ASB3: variants seen among roughly 807,000 people sequenced by gnomAD.
ASB3 encodes ankyrin repeat and SOCS box containing 3, also known as ankyrin repeat and SOCS box protein 3.
Under a neutral mutation model 54.5 loss-of-function variants are expected in ASB3, and 41 were observed. The observed-to-expected ratio is 0.75, with a 90% CI of 0.59 to 0.98. The LOEUF is 0.98. ASB3 is among the 50% of genes least tolerant of loss of function. The probability of loss-of-function intolerance (pLI) is 0.00; values close to 1 mark genes in which losing one functional copy is unlikely to be tolerated. For missense variants in ASB3, 733 were observed against 620.0 expected, an observed-to-expected ratio of 1.18 and a Z score of -1.94; for synonymous variants, 266 against 221.2, an observed-to-expected ratio of 1.20 and a Z score of -1.80.
At chr2:53,751,384 G>A (rs1456534836) in intron 2 of ASB3, among the ~76,000 whole-genome samples, 4 of 152,060 alleles carry the variant, frequency 2.6e-5, no homozygotes, top group South Asian at 4.1e-4. Flanking sequence ...CTAATACCAT[G>A]AGGCAGTTTT....
Position 53,716,492 on chromosome 2 carries a change from G to A in ASB3, c.782+74C>T, listed in dbSNP as rs1242698156. On this transcript the variant is annotated intron_variant, in intron 6 of 9. Coordinates refer to ENST00000263634, the MANE Select transcript of ASB3 (RefSeq NM_016115.5). ...ATCAAAGACTTTGCCTAGAGGTGAA[G>A]GGTCTAGCCCAGATTTATTCTTTAT... The A allele has an allele frequency of 1.9e-5, 29 of 1,525,096 alleles. No homozygotes were observed. The East Asian group carries it at 6.6e-4, about 35-fold the overall frequency. 94.5% of individuals were successfully genotyped at this position (1,525,096 alleles called of 1,614,324 possible).
At chr2:53,701,785 G>A (rs968784211) in intron 7 of ASB3, among the ~76,000 whole-genome samples, 3 of 151,990 alleles carry the variant, frequency 2.0e-5, no homozygotes, top group Admixed American at 6.6e-5. Context: ...TTAACAATGG[G>A]TCCAATCATT....
At chr2:53,682,439 A>G (rs1200875315) in intron 9 of ASB3, among the ~76,000 whole-genome samples, 1 of 152,108 alleles carries the variant, frequency 6.6e-6, no homozygotes, top group Non-Finnish European at 1.5e-5. Flanking sequence ...TTGCTATTGT[A>G]AATGAGATTA....
In ASB3 at chr2:53,729,576, A is replaced by T; in HGVS notation, c.356-6T>A. On this transcript the variant is annotated splice_region_variant and splice_polypyrimidine_tract_variant and intron_variant, in intron 3 of 9. Transcript: ENST00000263634. Reference sequence around the variant, plus strand: ...TATCTGTCCATTTTCAACAGCTGTAATACAGCAGTTAGAAAAATTAATGTC... The same window carrying T: ...TATCTGTCCATTTTCAACAGCTGTATTACAGCAGTTAGAAAAATTAATGTC... 6.2e-7 allele frequency: 1 copy of T among 1,611,910 alleles called. No individual in the cohort carries two copies. The highest frequency in any genetic ancestry group is 8.5e-7 in the Non-Finnish European group (1 of 1,178,266).
intron 1 of ASB3, chr2:53,774,717 T>C: frequency 4.3e-6 from 2 of 468,238 alleles, no homozygotes; most frequent in Non-Finnish European, 3.7e-6. Flanking sequence ...AACATAAAGA[T>C]TTCCTAACTT....
chr2:53,781,478 C>A (rs1674646278), intron 1 of ASB3, among the ~76,000 whole-genome samples: 1 of 151,224 alleles, frequency 6.6e-6, no homozygotes, highest in African/African-American at 2.4e-5. Flanking sequence ...TAGGGCTTAA[C>A]CCCTTTGAGA....
intron 7 of ASB3, among the ~76,000 whole-genome samples, chr2:53,704,317 G>A (rs1044091134): frequency 4.8e-5 from 7 of 144,970 alleles, no homozygotes; most frequent in Non-Finnish European, 3.0e-5. Context: ...TCAAGATCAC[G>A]CCACTGCACT....
chr2:53,734,891 A>AT (rs141877624), intron 3 of ASB3, among the ~76,000 whole-genome samples: 1,352 of 134,272 alleles, frequency 0.01, 24 homozygotes, highest in African/African-American at 0.033. Flanking sequence ...ATCTCTATTT[A>AT]TTTTTTTATT....
intron 7 of ASB3, among the ~76,000 whole-genome samples, chr2:53,706,698 C>T (rs1669792358): frequency 6.6e-6 from 1 of 152,128 alleles, no homozygotes; most frequent in African/African-American, 2.4e-5. Flanking sequence ...GCCCACCTTG[C>T]CCTCCCAAGG....
chr2:53,746,198 G>A (rs1055322363), intron 3 of ASB3, among the ~76,000 whole-genome samples: 10 of 152,106 alleles, frequency 6.6e-5, no homozygotes, highest in Admixed American at 5.2e-4. Flanking sequence ...AAGAGGCTGA[G>A]GCAGGAGGAT....
At chr2:53,740,612 C>T (rs574612992) in intron 3 of ASB3, among the ~76,000 whole-genome samples, 2 of 152,238 alleles carry the variant, frequency 1.3e-5, no homozygotes, top group South Asian at 2.1e-4. Flanking sequence ...TTCATGTCTG[C>T]CCAGTGGCTA....
chr2:53,729,060 T>A (rs1458417243), intron 4 of ASB3, among the ~76,000 whole-genome samples: 1 of 152,118 alleles, frequency 6.6e-6, no homozygotes, highest in Non-Finnish European at 1.5e-5. Context: ...AATGTAAACA[T>A]GAAACACTGA....
intron 1 of ASB3, among the ~76,000 whole-genome samples, chr2:53,773,836 A>G (rs1446240400): frequency 1.3e-5 from 2 of 151,408 alleles, no homozygotes; most frequent in Non-Finnish European, 2.9e-5. Context: ...GGAGTTTGAG[A>G]CCAGCCTGGC....
intron 7 of ASB3, 141 bp downstream of exon 7, chr2:53,714,243 G>T: frequency 9.5e-7 from 1 of 1,056,160 alleles, no homozygotes; most frequent in Non-Finnish European, 1.3e-6. Flanking sequence ...AAACATCATA[G>T]TTTTTTTCCT....
chr2:53,773,629 C>T (rs1031719786), intron 1 of ASB3, among the ~76,000 whole-genome samples: 5 of 151,890 alleles, frequency 3.3e-5, no homozygotes, highest in Non-Finnish European at 7.4e-5. Flanking sequence ...CGGGGTTTCA[C>T]CATCTTGGCC....
At chr2:53,786,110 A>G (rs1674974569) in intron 1 of ASB3, among the ~76,000 whole-genome samples, 1 of 152,200 alleles carries the variant, frequency 6.6e-6, no homozygotes, top group Admixed American at 6.5e-5. Context: ...TAATTTCTCT[A>G]AAGCCAACAC....
intron 7 of ASB3, among the ~76,000 whole-genome samples, chr2:53,711,172 C>G (rs1572887175): frequency 6.6e-6 from 1 of 152,172 alleles, no homozygotes; most frequent in Non-Finnish European, 1.5e-5. Context: ...CTATCTTGTG[C>G]ATTTAAAGCT....
intron 1 of ASB3, among the ~76,000 whole-genome samples, chr2:53,785,875 C>G (rs1445850114): frequency 6.6e-6 from 1 of 152,188 alleles, no homozygotes; most frequent in Non-Finnish European, 1.5e-5. Context: ...TCCCAGGAGT[C>G]TGGATCACAT....
At chr2:53,759,817 C>T (rs1673043467) in intron 2 of ASB3, among the ~76,000 whole-genome samples, 1 of 152,156 alleles carries the variant, frequency 6.6e-6, no homozygotes, top group African/African-American at 2.4e-5. Flanking sequence ...TCCTCTGAGT[C>T]AGAAGCCACT....
Sources: gnomAD v4.1 joint callset for allele counts (sites outside exome capture counted in the v4.1 genomes callset) on GRCh38, gnomAD v4.1.1 for gene constraint, MANE v1.5 for transcripts, NCBI Gene and HGNC (gene_info 2026-07-23, HGNC 2026-07-21) for gene names.